SLC7A9: variants seen among roughly 807,000 people sequenced by gnomAD.
The protein encoded by SLC7A9 is solute carrier family 7 member 9, also known as B(0,+)-type amino acid transporter 1.
A neutral mutation model predicts 54.1 loss-of-function variants in SLC7A9; 38 were observed. The observed-to-expected ratio is 0.70, with a 90% CI of 0.54 to 0.92. The LOEUF is 0.92. Among genes scored for constraint, SLC7A9 ranks in the 40% least tolerant of loss-of-function variants. SLC7A9 has a pLI of 0.00. For synonymous variants in SLC7A9, 264 were observed against 258.9 expected, an observed-to-expected ratio of 1.02 and a Z score of -0.19; for missense variants, 537 against 636.1, an observed-to-expected ratio of 0.84 and a Z score of 1.68.
chr19:32,838,383 CTA>C (rs1467022401), intron 11 of SLC7A9, among the ~76,000 whole-genome samples: 1 of 150,110 alleles, frequency 6.7e-6, no homozygotes, highest in African/African-American at 2.4e-5. Context: ...TATATTATAA[CTA>C]ATATATTTTA....
At position 32,862,600 on chromosome 19, in the gene SLC7A9, G is replaced by A; in HGVS notation, c.479-14C>T. 1 of 1,613,536 alleles carries A rather than the reference G, an allele frequency of 6.2e-7. No homozygotes were observed. Among genetic ancestry groups the A allele is most frequent in the South Asian group, 1.1e-5 (1 of 91,058 alleles). On this transcript the variant is annotated splice_polypyrimidine_tract_variant and intron_variant, in intron 4 of 12. Transcript: ENST00000023064. ...TCGAGATGAACACTGGAAGGGTGGG[G>A]ACAGTTTCTGCATTTATGGTTTTCA...
intron 9 of SLC7A9, 42 bp downstream of exon 9, chr19:32,858,397 GC>G: frequency 2.9e-6 from 4 of 1,400,130 alleles, no homozygotes; most frequent in Non-Finnish European, 3.0e-6. Flanking sequence ...TATTGCTTTC[GC>G]CGCCCCTGTC....
intron 11 of SLC7A9, among the ~76,000 whole-genome samples, chr19:32,834,982 G>T (rs551783521): frequency 1.3e-5 from 2 of 152,150 alleles, no homozygotes; most frequent in Non-Finnish European, 2.9e-5. Flanking sequence ...TAGAGACAGG[G>T]TTTCACCACG....
intron 9 of SLC7A9, among the ~76,000 whole-genome samples, chr19:32,854,369 T>C (rs1968557281): frequency 6.6e-6 from 1 of 152,130 alleles, no homozygotes; most frequent in South Asian, 2.1e-4. Flanking sequence ...ATCTATGGAT[T>C]CAACCCAGTC....
chr19:32,862,411 G>T (rs1267283633), intron 5 of SLC7A9, 50 bp downstream of exon 5: 2 of 1,609,796 alleles, frequency 1.2e-6, no homozygotes, highest in African/African-American at 1.3e-5. Context: ...GCTCCCAGTG[G>T]AAGGGCGTTT....
intron 10 of SLC7A9, 39 bp downstream of exon 10, chr19:32,843,816 C>T: frequency 6.6e-7 from 1 of 1,508,474 alleles, no homozygotes. Flanking sequence ...TGGAGTGTCC[C>T]CGCCTTGAAG....
At chr19:32,831,570 G>C (rs939167557) in intron 12 of SLC7A9, among the ~76,000 whole-genome samples, 6 of 152,168 alleles carry the variant, frequency 3.9e-5, no homozygotes, top group African/African-American at 1.4e-4. Context: ...TTACAGACAT[G>C]AGCCACCGTG....
rs2145794042 is a variant in SLC7A9 at position 32,833,204 on chromosome 19, A to G, written c.1344T>C (p.Leu448=). The G allele has an allele frequency of 6.2e-7, 1 of 1,614,192 alleles. No individual in the cohort carries two copies. Among genetic ancestry groups the G allele is most frequent in the East Asian group, 2.2e-5 (1 of 44,876 alleles). ...AGTGGACAAACAGGAAGTAAAATAA[A>G]AGGCCGCTTAATATAAACAGCACAC... ...LYCVLFILSG[L]LFYFLFVHYK... is the part of the protein sequence containing the mutation. The change falls in exon 12 of 13, where the codon CTT becomes CTC. Residue 448 remains leucine, a synonymous_variant. Transcript: ENST00000023064.
intron 7 of SLC7A9, 122 bp downstream of exon 7, chr19:32,860,484 A>AG (rs1968765882): frequency 6.5e-7 from 1 of 1,534,376 alleles, no homozygotes; most frequent in East Asian, 2.4e-5. Flanking sequence ...AAAAAAAAAA[A>AG]AGAAATAATT....
chr19:32,862,246 G>A, intron 5 of SLC7A9, 29 bp from the exon 6 acceptor site: 1 of 1,560,536 alleles, frequency 6.4e-7, no homozygotes, highest in Non-Finnish European at 8.8e-7. Context: ...GTGAACGGCG[G>A]GTGTCAACCG....
chr19:32,860,740 A>C (rs760090711), intron 6 of SLC7A9, 90 bp from the exon 7 acceptor site: 4 of 1,538,340 alleles, frequency 2.6e-6, no homozygotes, highest in Non-Finnish European at 3.6e-6. Context: ...CTCATTTAAG[A>C]TTCTCTACCA....
At chr19:32,846,800 G>A (rs921229350) in intron 9 of SLC7A9, among the ~76,000 whole-genome samples, 12 of 152,180 alleles carry the variant, frequency 7.9e-5, no homozygotes, top group African/African-American at 2.2e-4. Context: ...TCACATGGCC[G>A]GGTACTCCTC....
At chr19:32,846,949 A>G (rs934108235) in intron 9 of SLC7A9, among the ~76,000 whole-genome samples, 2 of 152,102 alleles carry the variant, frequency 1.3e-5, no homozygotes, top group African/African-American at 4.8e-5. Context: ...CCTCTAGAAA[A>G]CTCCAGCAGA....
intron 9 of SLC7A9, among the ~76,000 whole-genome samples, chr19:32,846,755 G>A (rs1446163422): frequency 6.6e-6 from 1 of 152,198 alleles, no homozygotes; most frequent in Non-Finnish European, 1.5e-5. Flanking sequence ...CAGCCTAACT[G>A]GGAGGCAACC....
chr19:32,838,091 A>C (rs1968016108), intron 11 of SLC7A9, among the ~76,000 whole-genome samples: 2 of 152,184 alleles, frequency 1.3e-5, no homozygotes, highest in African/African-American at 4.8e-5. Flanking sequence ...CACCTCACAG[A>C]AGCCAAGCGG....
At chr19:32,844,371 T>C (rs1968219181) in intron 9 of SLC7A9, among the ~76,000 whole-genome samples, 1 of 152,196 alleles carries the variant, frequency 6.6e-6, no homozygotes, top group East Asian at 1.9e-4. Context: ...TTAATATTAA[T>C]GTGAGCTCTA....
rs386388892 is a variant in SLC7A9 at position 32,844,857 on chromosome 19, C to CAAAAAAAAAAAAAAAAAAAAAA, written c.978-928_978-907dup. On this transcript the variant is annotated intron_variant, in intron 9 of 12. Transcript: ENST00000023064. ...TGGACGACAGAGTGAGAATCCATCT[C>CAAAAAAAAAAAAAAAAAAAAAA]AAAAAAAAAAAAAAAAAAAAAAAAA... 9.9e-4 allele frequency among the ~76,000 whole-genome samples: 30 copies of CAAAAAAAAAAAAAAAAAAAAAA among 30,314 alleles called. 4 individuals are homozygous for CAAAAAAAAAAAAAAAAAAAAAA. Among genetic ancestry groups the CAAAAAAAAAAAAAAAAAAAAAA allele is most frequent in the East Asian group, 1.4e-3 (1 of 734 alleles). 19.9% of individuals were successfully genotyped at this position (30,314 alleles called of 152,430 possible).
chr19:32,860,648 T>C lies in SLC7A9; in HGVS notation c.707A>G (p.Asn236Ser), dbSNP rs371669498. The C allele has an allele frequency of 1.9e-6, 3 of 1,614,134 alleles. No individual in the cohort carries two copies. Among genetic ancestry groups the C allele is most frequent in the Non-Finnish European group, 2.5e-6 (3 of 1,180,008 alleles). The change falls in exon 7 of 13, where the codon AAT becomes AGT. Residue 236 changes from asparagine (N) to serine (S), a missense_variant and splice_region_variant. By Grantham distance (46) the Asn-to-Ser change is conservative. Transcript: ENST00000023064. The stretch of plus-strand genomic sequence containing the variant: ...TTCTTCTGTGATGTAATTGAGTTGA[T>C]TCCTGGAAAAAGGAAAGTAACAAGC... ...YNGLWAYDGW[N>S]QLNYITEELR...
rs1274871760 is a variant in SLC7A9, at chr19:32,833,270, C to T, written c.1278G>A (p.Leu426=). 2.5e-6 allele frequency: 4 copies of T among 1,614,018 alleles called. No homozygotes were observed. The highest frequency in any genetic ancestry group is 3.4e-6 in the Non-Finnish European group (4 of 1,180,040). The change falls in exon 12 of 13, where the codon CTG becomes CTA. Residue 426 remains leucine (L), a synonymous_variant. Transcript: ENST00000023064. ...AGGTGGGCTTGCTGATGATTGGAGC[C>T]AGAACCAAAAACACAGAGATGAGTG... ...LMTLISVFLV[L]APIISKPTWE...
Sources: gnomAD v4.1 joint callset for allele counts (sites outside exome capture counted in the v4.1 genomes callset) on GRCh38, gnomAD v4.1.1 for gene constraint, MANE v1.5 for transcripts, NCBI Gene and HGNC (gene_info 2026-07-23, HGNC 2026-07-21) for gene names.